Variants in NADK2 observed in about 807,000 individuals in gnomAD.
NADK2 encodes NAD kinase 2, mitochondrial.
NADK2 carries 35 observed loss-of-function variants against 62.1 expected under a neutral mutation model. That is an observed-to-expected ratio of 0.56 (90% CI 0.43 to 0.75). The LOEUF (loss-of-function observed/expected upper bound fraction) is 0.75, where lower values mean the gene tolerates loss of function less well. NADK2 is among the 30% of genes least tolerant of loss of function. The probability of loss-of-function intolerance (pLI) is 0.00; values close to 1 mark genes in which losing one functional copy is unlikely to be tolerated. For synonymous variants in NADK2, 205 were observed against 207.9 expected (o/e 0.99, Z 0.12); for missense variants, 439 against 561.3 (o/e 0.78, Z 2.20).
chr5:36,195,210 A>G lies in NADK2; in HGVS notation c.1263T>C (p.Asp421=), dbSNP rs908443614. 1.9e-6 allele frequency: 3 copies of G among 1,613,706 alleles called. No homozygotes were observed. Among genetic ancestry groups the G allele is most frequent in the South Asian group, 2.2e-5 (2 of 90,980 alleles). The part of the protein sequence containing the change: ...VDGGTSFEFN[D]GAIASMMINK... ...TGATCATCATCGAAGCAATTGCACC[A>G]TCATTAAACTCAAAAGAAGTTCCTC... Residue 421 remains aspartate, a synonymous_variant, in exon 12 of 12, where the codon GAT becomes GAC. Transcript: ENST00000381937.
intron 1 of NADK2, among the ~76,000 whole-genome samples, chr5:36,227,817 T>C (rs926366456): frequency 6.6e-6 from 1 of 151,890 alleles, no homozygotes; most frequent in Admixed American, 6.6e-5. Context: ...TCTTATGTTT[T>C]ACAGCTTAAG....
chr5:36,217,683 T>TTA, intron 6 of NADK2, 65 bp downstream of exon 6: 1 of 1,592,398 alleles, frequency 6.3e-7, no homozygotes, highest in Non-Finnish European at 8.6e-7. Flanking sequence ...CATCAAAAAA[T>TTA]TTGAGGTCAA....
intron 7 of NADK2, among the ~76,000 whole-genome samples, chr5:36,210,155 T>G (rs1278949354): frequency 2.6e-5 from 4 of 152,176 alleles, no homozygotes; most frequent in Non-Finnish European, 5.9e-5. Flanking sequence ...AGCAGGAAAG[T>G]AGCAAATAAA....
At chr5:36,216,563 C>T (rs1003468363) in intron 6 of NADK2, among the ~76,000 whole-genome samples, 5 of 151,922 alleles carry the variant, frequency 3.3e-5, no homozygotes, top group African/African-American at 1.2e-4. Context: ...TGATTTTGAA[C>T]ATTTTTCTGT....
intron 1 of NADK2, among the ~76,000 whole-genome samples, chr5:36,235,701 C>G (rs1747878907): frequency 6.6e-6 from 1 of 152,014 alleles, no homozygotes; most frequent in Admixed American, 6.6e-5. Context: ...GGCCACTAAG[C>G]CTCAATTGTG....
At position 36,241,686 on chromosome 5, in the gene NADK2, C is replaced by T; in HGVS notation, c.113G>A (p.Gly38Asp). The T allele has an allele frequency of 8.6e-7, 1 of 1,159,552 alleles. No individual in the cohort carries two copies. Among genetic ancestry groups the T allele is most frequent in the South Asian group, 4.2e-5 (1 of 24,028 alleles). The allele number at this position is 1,159,552 out of a possible 1,614,324, so 71.8% of individuals were successfully genotyped here. The change falls in exon 1 of 12, where the codon GGC becomes GAC. Residue 38 changes from glycine (G) to aspartate (D), a missense_variant. Coordinates refer to ENST00000381937, the MANE Select transcript of NADK2 (RefSeq NM_001085411.3). This position sits in a 1 kb window ranked among gnomAD's most constrained non-coding sequence, Gnocchi z 4.9. ...GTGCCGCCGGCCGCCACCGTCACCG[C>T]CCAGCCGGGGCCGCGCGGCGGGGCC... ...AGGPAARPRL[G>D]GDGGGRRHLG...
intron 4 of NADK2, 119 bp downstream of exon 4, chr5:36,225,423 A>C: frequency 1.3e-6 from 1 of 760,980 alleles, no homozygotes; most frequent in Non-Finnish European, 2.1e-6. Context: ...TCCAAATTTT[A>C]AGACAGACCA....
intron 6 of NADK2, 139 bp from the exon 7 acceptor site, chr5:36,212,061 A>G: frequency 1.6e-6 from 1 of 611,388 alleles, no homozygotes; most frequent in Non-Finnish European, 2.8e-6. Context: ...TAACATTTAA[A>G]TTATCTTTTA....
intron 7 of NADK2, among the ~76,000 whole-genome samples, chr5:36,209,285 G>A (rs1746754392): frequency 6.6e-6 from 1 of 152,086 alleles, no homozygotes; most frequent in Admixed American, 6.6e-5. Context: ...GCATTCGATT[G>A]AAAATCCCCT....
intron 1 of NADK2, among the ~76,000 whole-genome samples, chr5:36,230,769 CT>C: frequency 7.3e-6 from 1 of 136,512 alleles, no homozygotes; most frequent in African/African-American, 2.7e-5. Flanking sequence ...GGCGTGAACA[CT>C]TTACACAGCT....
intron 7 of NADK2, among the ~76,000 whole-genome samples, chr5:36,211,231 T>C (rs1037408719): frequency 5.9e-5 from 9 of 152,290 alleles, no homozygotes; most frequent in South Asian, 2.1e-4. Context: ...TGTTCAGAGA[T>C]TGCAGTAAAG....
chr5:36,199,797 T>C (rs1040587114), intron 10 of NADK2, among the ~76,000 whole-genome samples: 2 of 152,028 alleles, frequency 1.3e-5, no homozygotes, highest in African/African-American at 4.8e-5. Context: ...CTAATTCTCT[T>C]ACAGGAATCG....
At chr5:36,198,983 T>C (rs967771194) in intron 10 of NADK2, among the ~76,000 whole-genome samples, 2 of 150,830 alleles carry the variant, frequency 1.3e-5, no homozygotes, top group Non-Finnish European at 2.9e-5. Flanking sequence ...TTCTCACTCA[T>C]AGGTGGGAAC....
intron 7 of NADK2, among the ~76,000 whole-genome samples, chr5:36,211,092 C>T (rs1746824010): frequency 6.6e-6 from 1 of 152,108 alleles, no homozygotes; most frequent in Non-Finnish European, 1.5e-5. Context: ...AGGCAGATCA[C>T]CTGAGGTCAG....
intron 7 of NADK2, 147 bp downstream of exon 7, chr5:36,211,697 G>T: frequency 1.5e-6 from 1 of 665,716 alleles, no homozygotes. Context: ...CATCTATGAA[G>T]GTTTTGGAAA....
At chr5:36,198,654 A>C (rs992938006) in intron 10 of NADK2, among the ~76,000 whole-genome samples, 36 of 148,472 alleles carry the variant, frequency 2.4e-4, no homozygotes, top group Non-Finnish European at 4.6e-4. Context: ...ACCTGATATA[A>C]ATTTCAGTTA....
chr5:36,228,282 A>G (rs1417489315), intron 1 of NADK2, among the ~76,000 whole-genome samples: 1 of 152,206 alleles, frequency 6.6e-6, no homozygotes, highest in Non-Finnish European at 1.5e-5. Flanking sequence ...AAATGTAGAG[A>G]AAAAAGTTCA....
At chr5:36,226,399 G>T in intron 3 of NADK2, 76 bp downstream of exon 3, 1 of 1,152,468 alleles carries the variant, frequency 8.7e-7, no homozygotes, top group Non-Finnish European at 1.3e-6. Context: ...AATATAGCTA[G>T]ACCCTAGGGT....
At chr5:36,224,225 T>C (rs1167779075) in intron 4 of NADK2, among the ~76,000 whole-genome samples, 3 of 152,078 alleles carry the variant, frequency 2.0e-5, no homozygotes, top group Admixed American at 1.3e-4. Context: ...CAGATGACCA[T>C]AGCAGTACTG....
Sources: gnomAD v4.1 joint callset for allele counts (sites outside exome capture counted in the v4.1 genomes callset) on GRCh38, gnomAD v4.1.1 for gene constraint, Gnocchi (gnomAD v3.1) non-coding constraint, MANE v1.5 for transcripts, NCBI Gene and HGNC (gene_info 2026-07-23, HGNC 2026-07-21) for gene names.